Variants in FOCAD observed in about 807,000 individuals in gnomAD.
FOCAD encodes the protein focadhesin.
FOCAD carries 198 observed loss-of-function variants against 225.6 expected under a neutral mutation model. That is an observed-to-expected ratio of 0.88 (90% CI 0.78 to 0.99). FOCAD has a LOEUF of 0.99. Ranked by LOEUF, FOCAD falls within the 50% of genes least tolerant of loss-of-function variation. FOCAD has a pLI of 0.00. For missense variants in FOCAD, 2,713 were observed against 2,123.6 expected (o/e 1.28, Z -5.46); for synonymous variants, 897 against 755.0 (o/e 1.19, Z -3.08).
chr9:20,853,283 G>T (rs758422777), intron 15 of FOCAD, among the ~76,000 whole-genome samples: 1 of 151,650 alleles, frequency 6.6e-6, no homozygotes, highest in African/African-American at 2.4e-5. Flanking sequence ...TCACTAGGGG[G>T]AATAAAAAAG....
At chr9:20,967,236 C>T (rs1292794491) in intron 35 of FOCAD, among the ~76,000 whole-genome samples, 1 of 152,012 alleles carries the variant, frequency 6.6e-6, no homozygotes, top group Non-Finnish European at 1.5e-5. Flanking sequence ...AGTCTTTACC[C>T]TTGGTGAAAT....
chr9:20,657,472 C>T (rs1229794782), upstream of FOCAD, among the ~76,000 whole-genome samples: 8 of 66,108 alleles, frequency 1.2e-4, no homozygotes, highest in Admixed American at 3.7e-4. Flanking sequence ...AGGCTTTGCT[C>T]ATTTCTTTTT....
chr9:20,863,523 A>G (rs1179748910), intron 16 of FOCAD: 1 of 152,148 alleles, frequency 6.6e-6, no homozygotes, highest in Non-Finnish European at 1.5e-5. Flanking sequence ...AATACCTATC[A>G]CAGTACCTGG....
chr9:20,733,457 T>C (rs1826879458), intron 4 of FOCAD, among the ~76,000 whole-genome samples: 1 of 152,146 alleles, frequency 6.6e-6, no homozygotes, highest in Non-Finnish European at 1.5e-5. Flanking sequence ...CTGCACCCAT[T>C]AACTCCTCTT....
At chr9:20,745,690 T>C (rs1563937569) in intron 5 of FOCAD, among the ~76,000 whole-genome samples, 2 of 152,186 alleles carry the variant, frequency 1.3e-5, no homozygotes, top group African/African-American at 4.8e-5. Context: ...CCAGAATTCG[T>C]GTATTTTTCT....
At chr9:20,811,143 A>C (rs1823021722) in intron 11 of FOCAD, among the ~76,000 whole-genome samples, 1 of 152,126 alleles carries the variant, frequency 6.6e-6, no homozygotes, top group Admixed American at 6.6e-5. Context: ...AGAGACAAGG[A>C]AATTAGACAT....
intron 32 of FOCAD, among the ~76,000 whole-genome samples, chr9:20,949,136 T>C (rs182229410): frequency 6.6e-6 from 1 of 152,150 alleles, no homozygotes; most frequent in Non-Finnish European, 1.5e-5. Context: ...TTTAATTTGG[T>C]TTTTAGAGAT....
At chr9:20,897,186 CTCTG>C (rs1171186555) in intron 21 of FOCAD, 1 of 151,674 alleles carries the variant, frequency 6.6e-6, no homozygotes, top group African/African-American at 2.4e-5. Flanking sequence ...GTCAAGTCTG[CTCTG>C]TCTGAAATTA....
intron 24 of FOCAD, among the ~76,000 whole-genome samples, chr9:20,921,243 C>A (rs1289618517): frequency 6.6e-6 from 1 of 151,936 alleles, no homozygotes; most frequent in Non-Finnish European, 1.5e-5. Flanking sequence ...ATACTTTGTC[C>A]CTAAGAAAGC....
At chr9:20,663,648 C>T (rs553680750) in intron 2 of FOCAD, among the ~76,000 whole-genome samples, 5 of 152,202 alleles carry the variant, frequency 3.3e-5, no homozygotes, top group African/African-American at 4.8e-5. Context: ...AATATAGTTG[C>T]CACTTCAATA....
chr9:20,858,092 G>A (rs149600471), intron 15 of FOCAD, among the ~76,000 whole-genome samples: 38 of 151,984 alleles, frequency 2.5e-4, no homozygotes, highest in East Asian at 1.9e-4. Flanking sequence ...GTATCAGGGT[G>A]ATAATGGCCT....
chr9:20,703,921 C>A (rs1477274875), intron 1 of FOCAD, among the ~76,000 whole-genome samples: 1 of 152,216 alleles, frequency 6.6e-6, no homozygotes, highest in Non-Finnish European at 1.5e-5. Context: ...GGATTTGCAT[C>A]CAGGTCTATG....
chr9:20,811,828 T>G (rs1043467203), intron 11 of FOCAD, among the ~76,000 whole-genome samples: 9 of 152,076 alleles, frequency 5.9e-5, no homozygotes, highest in Non-Finnish European at 4.4e-5. Context: ...TATCATGTCA[T>G]TTTTTGTAGA....
At chr9:20,888,166 T>C (rs183918725) in intron 21 of FOCAD, among the ~76,000 whole-genome samples, 2,789 of 143,600 alleles carry the variant, frequency 0.019, 43 homozygotes, top group Non-Finnish European at 0.03. Flanking sequence ...TGAGATGGAG[T>C]CTTGCTCTGT....
chr9:20,968,340 G>GT (rs1223931496), intron 35 of FOCAD, among the ~76,000 whole-genome samples: 3 of 122,614 alleles, frequency 2.4e-5, no homozygotes, highest in East Asian at 2.5e-4. Flanking sequence ...TGCTCTTTAT[G>GT]TTTTTTTTCT....
At chr9:20,902,786 A>G (rs1424302936) in intron 21 of FOCAD, among the ~76,000 whole-genome samples, 1 of 151,880 alleles carries the variant, frequency 6.6e-6, no homozygotes, top group Non-Finnish European at 1.5e-5. Context: ...AAGATAAATC[A>G]GAAATTTCAA....
chr9:20,935,557 C>T (rs1376429637), intron 28 of FOCAD, among the ~76,000 whole-genome samples: 12 of 152,228 alleles, frequency 7.9e-5, no homozygotes, highest in African/African-American at 1.7e-4. Context: ...TACATCACCA[C>T]GCCCAGCTAA....
chr9:20,978,451 G>A lies in FOCAD; in HGVS notation c.4374G>A (p.Leu1458=). The A allele has an allele frequency of 1.9e-6, 3 of 1,600,986 alleles. No homozygotes were observed. The highest frequency in any genetic ancestry group is 2.6e-6 in the Non-Finnish European group (3 of 1,171,750). Residue 1458 remains leucine (L), a synonymous_variant, in exon 37 of 44, where the codon CTG becomes CTA. Transcript: ENST00000338382. ...TGACACCACCACTGATCCACAGTCT[G>A]AGTGTATGTAGTAACTAAGGGTGTT... The part of the protein sequence containing the change: ...LWVTPPLIHS[L]SLNTKRYLLI...
At chr9:20,715,655 C>T (rs1352853399) in intron 2 of FOCAD, among the ~76,000 whole-genome samples, 1 of 151,862 alleles carries the variant, frequency 6.6e-6, no homozygotes, top group African/African-American at 2.4e-5. Context: ...GATAATAAAA[C>T]CTTGATTAAC....
Sources: allele counts gnomAD v4.1 joint callset (sites outside exome capture counted in the v4.1 genomes callset), GRCh38; gene constraint gnomAD v4.1.1; transcripts MANE v1.5; gene names NCBI Gene and HGNC (gene_info 2026-07-23, HGNC 2026-07-21).